The following KDM1B variants were observed in gnomAD, a reference collection of about 807,000 sequenced individuals.
KDM1B encodes the protein lysine demethylase 1B.
KDM1B carries 63 observed loss-of-function variants against 107.4 expected under a neutral mutation model. That is an observed-to-expected ratio of 0.59 (90% CI 0.48 to 0.72). The LOEUF is 0.72. KDM1B is among the 30% of genes least tolerant of loss of function. KDM1B has a pLI of 0.00. For missense variants in KDM1B, 749 were observed against 1,020.8 expected, an observed-to-expected ratio of 0.73 and a Z score of 3.63; for synonymous variants, 363 against 363.9, an observed-to-expected ratio of 1.00 and a Z score of 0.03.
intron 7 of KDM1B, among the ~76,000 whole-genome samples, chr6:18,185,177 A>G (rs1786771524): frequency 6.6e-6 from 1 of 152,186 alleles, no homozygotes; most frequent in African/African-American, 2.4e-5. Context: ...GTTCTAAAAG[A>G]TAATGTCAAA....
Position 18,213,018 on chromosome 6 carries a change from G to C in KDM1B, c.1983+414G>C, listed in dbSNP as rs1788964675. On this transcript the variant is annotated intron_variant, in intron 18 of 21. Transcript: ENST00000650836. This position sits in a 1 kb window ranked among gnomAD's most constrained non-coding sequence, Gnocchi z 5.9. ...GCAGATTCTGACAGACCTATGAGTA[G>C]TGAGAGTTTAACTTAGGGACATACG... Among the ~76,000 whole-genome samples the C allele has an allele frequency of 6.6e-6, 1 of 152,144 alleles. No homozygotes were observed. The highest frequency in any genetic ancestry group is 1.5e-5 in the Non-Finnish European group (1 of 68,034).
chr6:18,176,188 C>T (rs1236989129), intron 7 of KDM1B, among the ~76,000 whole-genome samples: 1 of 151,992 alleles, frequency 6.6e-6, no homozygotes, highest in South Asian at 2.1e-4. Flanking sequence ...TAGGTTTATT[C>T]CTAAGTATTT....
chr6:18,221,311 A>G lies in KDM1B; in HGVS notation c.2386-598A>G, dbSNP rs570982085. 3.9e-5 allele frequency among the ~76,000 whole-genome samples: 6 copies of G among 152,040 alleles called. No homozygotes were observed. In the South Asian group the frequency reaches 1.2e-3, roughly 32 times the overall value. On this transcript the variant is annotated intron_variant, in intron 21 of 21. Coordinates refer to ENST00000650836, the MANE Select transcript of KDM1B (RefSeq NM_001364614.2). ...CAGACCTTGTCATAATTACTTAATC[A>G]CTAATTCAGGCCTCCTCCTATCCTG...
At position 18,186,566 on chromosome 6, in the gene KDM1B, A is replaced by G. The variant is rs923910191; in HGVS notation, c.573+756A>G. 6.6e-6 allele frequency among the ~76,000 whole-genome samples: 1 copy of G among 152,120 alleles called. No individual in the cohort carries two copies. The highest frequency in any genetic ancestry group is 2.4e-5 in the African/African-American group (1 of 41,420). On this transcript the variant is annotated intron_variant, in intron 8 of 21. Transcript: ENST00000650836. The surrounding 1 kb of genome is among the most constrained non-coding windows in gnomAD (Gnocchi z 5.6). The stretch of plus-strand genomic sequence containing the variant: ...ACTTTAAATCCATTCTGTTATATAA[A>G]AGGGTGTTTGCATGTGTATTAGTCC...
rs1169452793 is a variant in KDM1B, at chr6:18,159,873, T to A, written c.-13-10T>A. The A allele has an allele frequency of 1.4e-6, 2 of 1,437,654 alleles. No individual in the cohort carries two copies. 89.1% of individuals were successfully genotyped at this position (1,437,654 alleles called of 1,614,324 possible). ...TGCTAATATTTAATGGTCTGATTTT[T>A]CTTTTGCAGATTATTTAATGTAATG... is the stretch of plus-strand genomic sequence containing the variant. On this transcript the variant is annotated splice_polypyrimidine_tract_variant and intron_variant, in intron 2 of 21. Coordinates refer to ENST00000650836, the MANE Select transcript of KDM1B (RefSeq NM_001364614.2). This position sits in a 1 kb window ranked among gnomAD's most constrained non-coding sequence, Gnocchi z 4.5.
intron 5 of KDM1B, among the ~76,000 whole-genome samples, chr6:18,164,746 A>T (rs35207148): frequency 0.57 from 85,638 of 151,442 alleles, 24,335 homozygotes; most frequent in African/African-American, 0.64. Context: ...CCTGGGTTCA[A>T]GTGATTCTCG....
chr6:18,180,521 T>C (rs547985221), intron 7 of KDM1B, among the ~76,000 whole-genome samples: 1 of 152,290 alleles, frequency 6.6e-6, no homozygotes, highest in African/African-American at 2.4e-5. Context: ...TTTTGGATGA[T>C]TTGTGTAATA....
rs542434863 is a variant in KDM1B at position 18,209,408 on chromosome 6, T to C, written c.1866+1202T>C. Among the ~76,000 whole-genome samples the C allele has an allele frequency of 1.3e-5, 2 of 152,322 alleles. No individual in the cohort carries two copies. Among genetic ancestry groups the C allele is most frequent in the East Asian group, 3.9e-4 (2 of 5,192 alleles). ...TGATTTTCATACAGAAGTAAAGGAC[T>C]GCATGTCACATGGGAAAGACAGGTC... On this transcript the variant is annotated intron_variant, in intron 17 of 21. Coordinates refer to ENST00000650836, the MANE Select transcript of KDM1B (RefSeq NM_001364614.2). The surrounding 1 kb of genome is among the most constrained non-coding windows in gnomAD (Gnocchi z 4.3).
At chr6:18,202,594 TGTA>T (rs1788110724) in intron 14 of KDM1B, among the ~76,000 whole-genome samples, 1 of 152,200 alleles carries the variant, frequency 6.6e-6, no homozygotes, top group Non-Finnish European at 1.5e-5. Context: ...TGTATTCACT[TGTA>T]GTTCTTGGAG....
intron 20 of KDM1B, among the ~76,000 whole-genome samples, 153 bp from the exon 21 acceptor site, chr6:18,217,580 T>G (rs1293295061): frequency 1.3e-5 from 2 of 152,048 alleles, no homozygotes; most frequent in African/African-American, 4.8e-5. Context: ...GGTTTCACCG[T>G]GTTAGCCAGG....
intron 7 of KDM1B, among the ~76,000 whole-genome samples, chr6:18,180,298 T>C (rs762867312): frequency 2.0e-5 from 3 of 152,056 alleles, no homozygotes; most frequent in Non-Finnish European, 4.4e-5. Context: ...AGGAACAATA[T>C]CTTGGTTGCA....
In KDM1B at chr6:18,200,370, T is replaced by C. The variant is rs949356204; in HGVS notation, c.1222-69T>C. The C allele has an allele frequency of 6.9e-7, 1 of 1,451,058 alleles. No individual in the cohort carries two copies. The highest frequency in any genetic ancestry group is 9.4e-7 in the Non-Finnish European group (1 of 1,067,520). 89.9% of individuals were successfully genotyped at this position (1,451,058 alleles called of 1,614,324 possible). On this transcript the variant is annotated intron_variant, in intron 12 of 21. Coordinates refer to ENST00000650836, the MANE Select transcript of KDM1B (RefSeq NM_001364614.2). The surrounding 1 kb of genome is among the most constrained non-coding windows in gnomAD (Gnocchi z 4.3). ...GGCTATTTAACAGTGTCCTTCTACA[T>C]TTTTATAATACTGTGTCTGATATAA...
intron 2 of KDM1B, among the ~76,000 whole-genome samples, chr6:18,158,506 A>T (rs1215831034): frequency 6.6e-6 from 1 of 152,206 alleles, no homozygotes; most frequent in Non-Finnish European, 1.5e-5. Flanking sequence ...CAAGCTCCTT[A>T]AAGCTTTTCT....
rs757554183 is a variant in KDM1B at position 18,209,601 on chromosome 6, C to T, written c.1866+1395C>T. ...TGATGCGTTCTTGTTGAATTGGCCT[C>T]GCTTTTTTGTTTGTTTTTTTCAGAG... On this transcript the variant is annotated intron_variant, in intron 17 of 21. Transcript: ENST00000650836. The surrounding 1 kb of genome is among the most constrained non-coding windows in gnomAD (Gnocchi z 4.3). 3.9e-5 allele frequency among the ~76,000 whole-genome samples: 6 copies of T among 152,140 alleles called. No individual in the cohort carries two copies. Among genetic ancestry groups the T allele is most frequent in the Non-Finnish European group, 5.9e-5 (4 of 68,022 alleles).
At chr6:18,206,240 G>T (rs1256146977) in intron 15 of KDM1B, among the ~76,000 whole-genome samples, 1 of 151,772 alleles carries the variant, frequency 6.6e-6, no homozygotes, top group Non-Finnish European at 1.5e-5. Context: ...AAGAGGCTGG[G>T]TGCAGTGGCT....
At chr6:18,185,966 A>G (rs964956586) in intron 8 of KDM1B, among the ~76,000 whole-genome samples, 156 bp downstream of exon 8, 6 of 152,248 alleles carry the variant, frequency 3.9e-5, no homozygotes, top group African/African-American at 1.4e-4. Flanking sequence ...TGAAAATGTT[A>G]GCAATAGTGA....
rs971753534 is a variant in KDM1B, at chr6:18,213,158, T to C, written c.1984-498T>C. 6.6e-6 allele frequency among the ~76,000 whole-genome samples: 1 copy of C among 152,076 alleles called. No individual in the cohort carries two copies. Among genetic ancestry groups the C allele is most frequent in the African/African-American group, 2.4e-5 (1 of 41,426 alleles). ...TGGCATCAAAAGCAAGGAGCTGGGCTGGGCACAGTGGCTCATGCCTGTAAT... is the reference window on the plus strand; with the variant it reads ...TGGCATCAAAAGCAAGGAGCTGGGCCGGGCACAGTGGCTCATGCCTGTAAT... On this transcript the variant is annotated intron_variant, in intron 18 of 21. Transcript: ENST00000650836. The surrounding 1 kb of genome is among the most constrained non-coding windows in gnomAD (Gnocchi z 5.9).
intron 7 of KDM1B, among the ~76,000 whole-genome samples, chr6:18,184,219 G>A (rs568265114): frequency 2.7e-5 from 4 of 148,136 alleles, no homozygotes; most frequent in Non-Finnish European, 6.0e-5. Flanking sequence ...TTGTTTTTTT[G>A]CTTGCTTTTA....
At chr6:18,220,533 G>A (rs925385995) in intron 21 of KDM1B, among the ~76,000 whole-genome samples, 2 of 152,092 alleles carry the variant, frequency 1.3e-5, no homozygotes, top group Admixed American at 6.5e-5. Context: ...GAGACAGAGT[G>A]AGACTCTTTT....
Sources: allele counts gnomAD v4.1 joint callset (sites outside exome capture counted in the v4.1 genomes callset), GRCh38; gene constraint gnomAD v4.1.1; non-coding constraint Gnocchi (gnomAD v3.1); transcripts MANE v1.5; gene names NCBI Gene and HGNC (gene_info 2026-07-23, HGNC 2026-07-21).